ZNF506: variants seen among roughly 807,000 people sequenced by gnomAD.
ZNF506 encodes zinc finger protein 506.
A neutral mutation model predicts 11.6 loss-of-function variants in ZNF506; 10 were observed. That is an observed-to-expected ratio of 0.86 (90% confidence interval 0.53 to 1.46). ZNF506 has a LOEUF of 1.46. Among genes scored for constraint, ZNF506 ranks in the 40% most tolerant of loss-of-function variants. ZNF506 has a pLI of 0.00. For missense variants in ZNF506, 425 were observed against 521.2 expected, an observed-to-expected ratio of 0.82 and a Z score of 1.80; for synonymous variants, 156 against 173.3, an observed-to-expected ratio of 0.90 and a Z score of 0.78.
chr19:19,805,884 AAAG>A (rs2062831825), intron 3 of ZNF506, 144 bp downstream of exon 3: 1 of 672,804 alleles, frequency 1.5e-6, no homozygotes, highest in Non-Finnish European at 2.5e-6. Context: ...TTAAAAGAAA[AAAG>A]AAAAGAAAAG....
chr19:19,806,029 A>C lies in ZNF506; in HGVS notation c.226+2T>G. ...GTCCTATTCATTTTCACTCGCACCT[A>C]CCTGGGGGTTTGGCAATCATCTCAT... On this transcript the variant is annotated splice_donor_variant, in intron 3 of 3. Coordinates refer to ENST00000540806, the MANE Select transcript of ZNF506 (RefSeq NM_001099269.3). LOFTEE classifies it high-confidence loss of function. 1 of 1,604,922 alleles carries C rather than the reference A, an allele frequency of 6.2e-7. No individual in the cohort carries two copies. The highest frequency in any genetic ancestry group is 8.5e-7 in the Non-Finnish European group (1 of 1,176,902).
intron 1 of ZNF506, among the ~76,000 whole-genome samples, chr19:19,812,537 T>C (rs941255635): frequency 1.3e-5 from 2 of 152,246 alleles, no homozygotes; most frequent in Non-Finnish European, 2.9e-5. Context: ...GATTATGCCA[T>C]CACATTCTAT....
chr19:19,799,508 A>G, intron 3 of ZNF506: 1 of 636,832 alleles, frequency 1.6e-6, no homozygotes, highest in Non-Finnish European at 2.8e-6. Context: ...TTCATAGATT[A>G]CTTTCTATGA....
intron 3 of ZNF506, chr19:19,796,835 G>A (rs1008831848): frequency 6.6e-6 from 1 of 152,068 alleles, no homozygotes; most frequent in Non-Finnish European, 1.5e-5. Context: ...ACACGGAATG[G>A]GTGTAGCAAG....
chr19:19,808,102 T>G (rs1276398144), intron 1 of ZNF506, among the ~76,000 whole-genome samples: 3 of 135,720 alleles, frequency 2.2e-5, no homozygotes, highest in Non-Finnish European at 4.7e-5. Flanking sequence ...AGTGAATCAT[T>G]AACCACTTTT....
chr19:19,805,406 A>G, intron 3 of ZNF506, among the ~76,000 whole-genome samples: 1 of 152,198 alleles, frequency 6.6e-6, no homozygotes, highest in Non-Finnish European at 1.5e-5. Context: ...TACAGATTCA[A>G]TGAACTTCCT....
intron 3 of ZNF506, among the ~76,000 whole-genome samples, chr19:19,804,997 G>C (rs1466454951): frequency 6.6e-6 from 1 of 152,014 alleles, no homozygotes; most frequent in Non-Finnish European, 1.5e-5. Context: ...ACGAGTTAAT[G>C]GGTGCAGCAA....
intron 1 of ZNF506, among the ~76,000 whole-genome samples, chr19:19,813,892 T>G (rs185096957): frequency 6.6e-6 from 1 of 152,250 alleles, no homozygotes; most frequent in African/African-American, 2.4e-5. Flanking sequence ...AGGAGAGATT[T>G]GCTTGAGCCT....
intron 1 of ZNF506, among the ~76,000 whole-genome samples, chr19:19,815,324 G>A (rs1052461206): frequency 3.9e-5 from 6 of 152,102 alleles, no homozygotes; most frequent in Non-Finnish European, 8.8e-5. Flanking sequence ...GGGTGGTGCC[G>A]AGTCCCGGGA....
rs2062736413 is a variant in ZNF506, at chr19:19,795,900, AG to A, written c.227-241del. On this transcript the variant is annotated intron_variant, in intron 3 of 3. Transcript: ENST00000540806. ...GGCTCCAGGTGAGCACAATGCAAAG[AG>A]CCACATAGAAAAATAGAAAAAAAGA... The A allele has an allele frequency of 6.3e-6, 3 of 472,998 alleles. No individual in the cohort carries two copies. The Admixed American group carries it at 8.9e-5, about 14-fold the overall frequency. The allele number at this position is 472,998 out of a possible 1,614,324, so 29.3% of individuals were successfully genotyped here. A position where few individuals can be genotyped will look rare whatever the true frequency, so the allele number is the denominator to read the frequency against.
intron 3 of ZNF506, among the ~76,000 whole-genome samples, chr19:19,800,713 C>T (rs2062785037): frequency 1.3e-5 from 2 of 151,450 alleles, no homozygotes; most frequent in Admixed American, 6.6e-5. Flanking sequence ...CTGCGCCTGG[C>T]CTAGAAATAT....
chr19:19,819,324 T>C (rs1031768400), intron 1 of ZNF506, among the ~76,000 whole-genome samples: 4 of 150,638 alleles, frequency 2.7e-5, no homozygotes, highest in African/African-American at 9.8e-5. Context: ...CTCCAAGAAA[T>C]GGAAGCTAGG....
intron 3 of ZNF506, among the ~76,000 whole-genome samples, chr19:19,801,177 G>C (rs2062789382): frequency 6.6e-6 from 1 of 151,682 alleles, no homozygotes; most frequent in Non-Finnish European, 1.5e-5. Context: ...AATAAAAAAA[G>C]AAAAGAAAAC....
At chr19:19,797,328 C>T (rs1485997007) in intron 3 of ZNF506, 1 of 151,770 alleles carries the variant, frequency 6.6e-6, no homozygotes, top group Non-Finnish European at 1.5e-5. Flanking sequence ...CACCTGTAAT[C>T]CCAGCTATTC....
rs943468710 is a variant in ZNF506, at chr19:19,794,462, C to T, written c.*90G>A. The T allele has an allele frequency of 7.1e-6, 9 of 1,264,592 alleles. No individual in the cohort carries two copies. The highest frequency in any genetic ancestry group is 9.9e-6 in the Non-Finnish European group (9 of 911,926). The allele number at this position is 1,264,592 out of a possible 1,614,324, so 78.3% of individuals were successfully genotyped here. A position where few individuals can be genotyped will look rare whatever the true frequency, so the allele number is the denominator to read the frequency against. On this transcript the variant is annotated 3_prime_UTR_variant, in exon 4 of 4. Coordinates refer to ENST00000540806, the MANE Select transcript of ZNF506 (RefSeq NM_001099269.3). ...CTTTATATTTGTAGGGTTTATGTTC[C>T]ATATAAATTCTCATATTTAGTCAGA...
chr19:19,799,736 A>G (rs1017995012), intron 3 of ZNF506, among the ~76,000 whole-genome samples: 3 of 152,172 alleles, frequency 2.0e-5, no homozygotes, highest in African/African-American at 7.2e-5. Flanking sequence ...AATATTGTGA[A>G]GATGTCTATA....
chr19:19,794,315 A>G lies in ZNF506; in HGVS notation c.*237T>C. ...ACAAGAGTGAAACTCCATCTCAAAA[A>G]ACAAAAAGAGTTGACAGGTTGTTAT... On this transcript the variant is annotated 3_prime_UTR_variant, in exon 4 of 4. Coordinates refer to ENST00000540806, the MANE Select transcript of ZNF506 (RefSeq NM_001099269.3). The G allele has an allele frequency of 2.7e-6, 1 of 371,278 alleles. No individual in the cohort carries two copies. Among genetic ancestry groups the G allele is most frequent in the Non-Finnish European group, 4.8e-6 (1 of 209,856 alleles). 23.0% of individuals were successfully genotyped at this position (371,278 alleles called of 1,614,324 possible).
intron 1 of ZNF506, among the ~76,000 whole-genome samples, chr19:19,810,929 A>C (rs1342777330): frequency 1.3e-5 from 2 of 152,090 alleles, no homozygotes; most frequent in Admixed American, 1.3e-4. Context: ...GTCAGAACTA[A>C]ATAGTCTCCA....
At chr19:19,801,040 G>C (rs1315849418) in intron 3 of ZNF506, among the ~76,000 whole-genome samples, 3 of 151,906 alleles carry the variant, frequency 2.0e-5, no homozygotes, top group Non-Finnish European at 4.4e-5. Flanking sequence ...CATGCCTATA[G>C]TCCCAGCTAC....
Sources: allele counts gnomAD v4.1 joint callset (sites outside exome capture counted in the v4.1 genomes callset), GRCh38; gene constraint gnomAD v4.1.1; transcripts MANE v1.5; gene names NCBI Gene and HGNC (gene_info 2026-07-23, HGNC 2026-07-21).